The following EDIL3 variants were observed in gnomAD, a reference collection of about 807,000 sequenced individuals.
EDIL3 encodes EGF-like repeat and discoidin I-like domain-containing protein 3.
Under a neutral mutation model 67.4 loss-of-function variants are expected in EDIL3, and 37 were observed. The observed-to-expected ratio is 0.55, with a 90% CI of 0.42 to 0.72. The LOEUF (loss-of-function observed/expected upper bound fraction) is 0.72. Among genes scored for constraint, EDIL3 ranks in the 30% least tolerant of loss-of-function variants. The probability of loss-of-function intolerance (pLI) is 0.00; values close to 1 mark genes in which losing one functional copy is unlikely to be tolerated. For synonymous variants in EDIL3, 195 were observed against 196.3 expected (o/e 0.99, Z 0.05); for missense variants, 527 against 586.3 (o/e 0.90, Z 1.04).
At chr5:83,960,271 G>T (rs146663840) in intron 10 of EDIL3, among the ~76,000 whole-genome samples, 1 of 150,914 alleles carries the variant, frequency 6.6e-6, no homozygotes, top group Non-Finnish European at 1.5e-5. Context: ...TACATTATAC[G>T]AATAATAGTG....
At position 84,160,819 on chromosome 5, in the gene EDIL3, C is replaced by CCTTTCCTTTCCTTTCCTTTCCTTTT. The variant is rs1258829510; in HGVS notation, c.355+19573_355+19574insAAAAGGAAAGGAAAGGAAAGGAAAG. The stretch of plus-strand genomic sequence containing the variant: ...CCTTTCCTTTCCTTTCCTTTCCTTT[C>CCTTTCCTTTCCTTTCCTTTCCTTTT]CCTTTCCTTTTCCTTTCCTTTTCCT... On this transcript the variant is annotated intron_variant, in intron 4 of 10. Transcript: ENST00000296591. Among the ~76,000 whole-genome samples, 37 of 69,130 alleles carry CCTTTCCTTTCCTTTCCTTTCCTTTT rather than the reference C, an allele frequency of 5.4e-4. 2 individuals carry two copies. The highest frequency in any genetic ancestry group is 2.3e-3 in the African/African-American group (37 of 15,962). 45.4% of individuals were successfully genotyped at this position (69,130 alleles called of 152,430 possible). A position where few individuals can be genotyped will look rare whatever the true frequency, so the allele number is the denominator to read the frequency against.
At chr5:84,381,800 A>G (rs927035318) in intron 1 of EDIL3, among the ~76,000 whole-genome samples, 6 of 152,204 alleles carry the variant, frequency 3.9e-5, no homozygotes, top group Non-Finnish European at 7.3e-5. Flanking sequence ...GAATAATTTA[A>G]TAGTTAATAA....
chr5:84,330,266 T>C (rs1746842539), intron 1 of EDIL3, among the ~76,000 whole-genome samples: 1 of 152,182 alleles, frequency 6.6e-6, no homozygotes, highest in Non-Finnish European at 1.5e-5. Context: ...TCTGAAACTG[T>C]TCTGTAATGC....
At chr5:84,312,191 AC>A (rs1226807003) in intron 1 of EDIL3, among the ~76,000 whole-genome samples, 16 of 128,096 alleles carry the variant, frequency 1.2e-4, no homozygotes, top group African/African-American at 3.6e-4. Flanking sequence ...GCGGGGGCTG[AC>A]CCCCCCACCT....
chr5:83,960,542 A>C (rs1744590110), intron 10 of EDIL3, among the ~76,000 whole-genome samples: 1 of 151,056 alleles, frequency 6.6e-6, no homozygotes, highest in Non-Finnish European at 1.5e-5. Context: ...AAAAAGATTT[A>C]TTTTGGTCAT....
chr5:84,293,133 C>T (rs1745962836), intron 1 of EDIL3, among the ~76,000 whole-genome samples: 1 of 152,112 alleles, frequency 6.6e-6, no homozygotes, highest in Non-Finnish European at 1.5e-5. Context: ...TGCAAGAGCC[C>T]TGTGGTTTGT....
rs543498376 is a variant in EDIL3, at chr5:84,052,227, A to G, written c.1137+8073T>C. Among the ~76,000 whole-genome samples the G allele has an allele frequency of 2.4e-4, 37 of 152,312 alleles. No homozygotes were observed. The South Asian group carries it at 7.7e-3, about 32-fold the overall frequency. On this transcript the variant is annotated intron_variant, in intron 9 of 10. Coordinates refer to ENST00000296591, the MANE Select transcript of EDIL3 (RefSeq NM_005711.5). Reference sequence around the variant, plus strand: ...CCAAACTAAGCTTCATAAGTGAAGGAGAAATAAAATCCTTTACAGACAAGC... The same window carrying G: ...CCAAACTAAGCTTCATAAGTGAAGGGGAAATAAAATCCTTTACAGACAAGC...
chr5:84,283,550 G>A (rs1322100857), intron 1 of EDIL3, among the ~76,000 whole-genome samples: 1 of 152,062 alleles, frequency 6.6e-6, no homozygotes, highest in Admixed American at 6.6e-5. Context: ...GTGCAACACT[G>A]AGTTTGCAAC....
At chr5:84,189,249 A>G (rs2112365780) in intron 3 of EDIL3, among the ~76,000 whole-genome samples, 1 of 152,062 alleles carries the variant, frequency 6.6e-6, no homozygotes, top group Middle Eastern at 3.4e-3. Context: ...TTGGGTAGCC[A>G]GGGGACATCA....
At chr5:84,089,745 TC>T (rs1402864026) in intron 6 of EDIL3, among the ~76,000 whole-genome samples, 1 of 152,160 alleles carries the variant, frequency 6.6e-6, no homozygotes, top group African/African-American at 2.4e-5. Flanking sequence ...TCTTTTATCC[TC>T]CTATTACCCC....
chr5:84,279,013 T>C (rs947554396), intron 1 of EDIL3, among the ~76,000 whole-genome samples: 2 of 150,470 alleles, frequency 1.3e-5, no homozygotes, highest in Admixed American at 6.6e-5. Flanking sequence ...AATCCTTCTA[T>C]GCCTCAATTT....
intron 6 of EDIL3, among the ~76,000 whole-genome samples, chr5:84,077,293 A>G (rs1416001998): frequency 1.3e-5 from 2 of 152,182 alleles, no homozygotes; most frequent in Non-Finnish European, 2.9e-5. Context: ...AATCTCCTGA[A>G]TGAGTCTTTG....
intron 1 of EDIL3, among the ~76,000 whole-genome samples, chr5:84,256,018 C>T (rs540347147): frequency 1.3e-5 from 2 of 152,208 alleles, no homozygotes; most frequent in African/African-American, 4.8e-5. Context: ...ATGGTCAGAT[C>T]TAAATTAAGA....
intron 3 of EDIL3, among the ~76,000 whole-genome samples, chr5:84,216,158 G>T (rs762335707): frequency 6.6e-5 from 10 of 152,158 alleles, no homozygotes; most frequent in African/African-American, 2.4e-5. Flanking sequence ...AGACCTTAAT[G>T]ATTTTGGTTT....
At chr5:84,155,306 C>A (rs990403921) in intron 4 of EDIL3, among the ~76,000 whole-genome samples, 1 of 152,144 alleles carries the variant, frequency 6.6e-6, no homozygotes, top group Admixed American at 6.5e-5. Flanking sequence ...TTTTCATCGT[C>A]TTTTAATATA....
At position 83,942,355 on chromosome 5, in the gene EDIL3, A is replaced by G. The variant is rs1404231291; in HGVS notation, c.*1064T>C. On this transcript the variant is annotated 3_prime_UTR_variant, in exon 11 of 11. Transcript: ENST00000296591. ...AAACTACCACCAGTTTCAAATCTCA[A>G]TAAGATGTTAGTTTCACAGGAAATG... 1 of 152,048 alleles carries G rather than the reference A, an allele frequency of 6.6e-6. No individual in the cohort carries two copies. Among genetic ancestry groups the G allele is most frequent in the East Asian group, 1.9e-4 (1 of 5,184 alleles). 9.4% of individuals were successfully genotyped at this position (152,048 alleles called of 1,614,324 possible).
intron 6 of EDIL3, among the ~76,000 whole-genome samples, chr5:84,090,113 G>A (rs1404252208): frequency 1.3e-5 from 2 of 152,064 alleles, no homozygotes; most frequent in Non-Finnish European, 2.9e-5. Context: ...TCATGTTGTA[G>A]GCAAAAATCC....
intron 1 of EDIL3, among the ~76,000 whole-genome samples, chr5:84,381,891 C>T (rs1748083425): frequency 6.6e-6 from 1 of 152,156 alleles, no homozygotes; most frequent in Non-Finnish European, 1.5e-5. Context: ...CTTATCAAAT[C>T]CCAGGCATTA....
At chr5:84,355,906 T>G (rs1747469544) in intron 1 of EDIL3, among the ~76,000 whole-genome samples, 1 of 152,208 alleles carries the variant, frequency 6.6e-6, no homozygotes. Context: ...CCCCTAGTTG[T>G]TCTGTCCCAG....
Sources: allele counts gnomAD v4.1 joint callset (sites outside exome capture counted in the v4.1 genomes callset), GRCh38; gene constraint gnomAD v4.1.1; transcripts MANE v1.5; gene names NCBI Gene and HGNC (gene_info 2026-07-23, HGNC 2026-07-21).